Variants in SP4 observed in about 807,000 individuals in gnomAD.
SP4 encodes transcription factor Sp4.
A neutral mutation model predicts 72.8 loss-of-function variants in SP4; 19 were observed. That is an observed-to-expected ratio of 0.26 (90% CI 0.18 to 0.38). The LOEUF is 0.38. Among genes scored for constraint, SP4 ranks in the 10% least tolerant of loss-of-function variants. The pLI is 1.00. For synonymous variants in SP4, 395 were observed against 333.1 expected (o/e 1.19, Z -2.02); for missense variants, 1,008 against 926.3 (o/e 1.09, Z -1.14).
chr7:21,486,651 G>A (rs921705865), intron 5 of SP4, among the ~76,000 whole-genome samples: 2 of 152,254 alleles, frequency 1.3e-5, no homozygotes, highest in South Asian at 4.1e-4. Context: ...TCATATAAGA[G>A]GAAGTATGTA....
intron 3 of SP4, among the ~76,000 whole-genome samples, chr7:21,434,672 A>C (rs887317056): frequency 8.6e-5 from 13 of 151,992 alleles, no homozygotes; most frequent in African/African-American, 3.1e-4. Flanking sequence ...TATATTGCAT[A>C]GTGGAGAAGT....
At chr7:21,469,935 G>A (rs1784282557) in intron 3 of SP4, among the ~76,000 whole-genome samples, 1 of 152,030 alleles carries the variant, frequency 6.6e-6, no homozygotes, top group East Asian at 1.9e-4. Flanking sequence ...AATGTCATAG[G>A]AGAAATCTGA....
At chr7:21,448,531 A>G (rs1363081076) in intron 3 of SP4, among the ~76,000 whole-genome samples, 1 of 152,188 alleles carries the variant, frequency 6.6e-6, no homozygotes, top group Non-Finnish European at 1.5e-5. Flanking sequence ...CGTGGGTTCA[A>G]TTCCCTGTTC....
At chr7:21,472,722 G>A (rs978245130) in intron 3 of SP4, among the ~76,000 whole-genome samples, 1 of 151,574 alleles carries the variant, frequency 6.6e-6, no homozygotes, top group Non-Finnish European at 1.5e-5. Context: ...AGAATTGCTT[G>A]AGCCCTGGAG....
chr7:21,428,823 A>G (rs770531363), intron 2 of SP4, 31 bp downstream of exon 2: 123 of 1,508,842 alleles, frequency 8.2e-5, no homozygotes, highest in Non-Finnish European at 1.1e-4. Flanking sequence ...AAAATTCATC[A>G]CGACACATTA....
rs576572504 is a variant in SP4, at chr7:21,475,767, A to G, written c.1679-1312A>G. 1.4e-4 allele frequency among the ~76,000 whole-genome samples: 22 copies of G among 152,338 alleles called. No homozygotes were observed. In the South Asian group the frequency reaches 3.9e-3, roughly 27 times the overall value. On this transcript the variant is annotated intron_variant, in intron 3 of 5. Coordinates refer to ENST00000222584, the MANE Select transcript of SP4 (RefSeq NM_003112.5). ...TGTATTGCCACTGAACTCAGCAGAG[A>G]TGAATTGGTAACAGTAGCTACCATG...
chr7:21,463,831 G>A (rs894343715), intron 3 of SP4, among the ~76,000 whole-genome samples: 1 of 152,088 alleles, frequency 6.6e-6, no homozygotes, highest in Non-Finnish European at 1.5e-5. Context: ...ACTCAAATTA[G>A]AATACTTATA....
intron 5 of SP4, among the ~76,000 whole-genome samples, chr7:21,495,133 G>T (rs1339308208): frequency 6.6e-6 from 1 of 152,110 alleles, no homozygotes; most frequent in Non-Finnish European, 1.5e-5. Context: ...AAAGCTTTTT[G>T]AATAAAATAT....
At chr7:21,442,602 T>C (rs1783296540) in intron 3 of SP4, among the ~76,000 whole-genome samples, 1 of 152,168 alleles carries the variant, frequency 6.6e-6, no homozygotes, top group Admixed American at 6.5e-5. Context: ...TCTGGGAATG[T>C]TTTCATGGAA....
At chr7:21,445,561 G>A (rs1416731994) in intron 3 of SP4, among the ~76,000 whole-genome samples, 1 of 152,100 alleles carries the variant, frequency 6.6e-6, no homozygotes, top group East Asian at 1.9e-4. Flanking sequence ...AAACAGACAT[G>A]TTCTTTATTC....
At chr7:21,437,952 A>C (rs1026262586) in intron 3 of SP4, among the ~76,000 whole-genome samples, 7 of 152,106 alleles carry the variant, frequency 4.6e-5, no homozygotes, top group Admixed American at 4.6e-4. Flanking sequence ...ACGGAGTTTT[A>C]TCTTTAAAAG....
chr7:21,434,612 T>G (rs750557361), intron 3 of SP4, among the ~76,000 whole-genome samples: 9 of 152,150 alleles, frequency 5.9e-5, no homozygotes, highest in Non-Finnish European at 1.0e-4. Flanking sequence ...TTACTTTTAC[T>G]TTTAAAAAAA....
chr7:21,432,653 G>A (rs1446552636), intron 3 of SP4, among the ~76,000 whole-genome samples: 2 of 152,046 alleles, frequency 1.3e-5, no homozygotes, highest in Admixed American at 6.6e-5. Context: ...TGAATTGTGG[G>A]GGTCAAGGGA....
At chr7:21,444,185 G>A (rs1004171161) in intron 3 of SP4, among the ~76,000 whole-genome samples, 4 of 152,094 alleles carry the variant, frequency 2.6e-5, no homozygotes, top group South Asian at 2.1e-4. Flanking sequence ...TGTATTGTGC[G>A]GCTTGATATG....
At chr7:21,498,884 G>C (rs879196334) in intron 5 of SP4, among the ~76,000 whole-genome samples, 3 of 152,114 alleles carry the variant, frequency 2.0e-5, no homozygotes, top group East Asian at 3.9e-4. Flanking sequence ...AGGAGATCGA[G>C]ACCATCCTGG....
intron 3 of SP4, among the ~76,000 whole-genome samples, chr7:21,465,361 G>C (rs1263784284): frequency 6.6e-6 from 1 of 152,134 alleles, no homozygotes; most frequent in Non-Finnish European, 1.5e-5. Context: ...CTTAAGGAGA[G>C]AATATAGCCA....
Position 21,513,465 on chromosome 7 carries a change from T to C in SP4, c.*2196T>C, listed in dbSNP as rs999774163. 4.6e-5 allele frequency: 7 copies of C among 152,768 alleles called. No homozygotes were observed. Among genetic ancestry groups the C allele is most frequent in the East Asian group, 1.9e-4 (1 of 5,196 alleles). The allele number at this position is 152,768 out of a possible 1,614,324, so 9.5% of individuals were successfully genotyped here. On this transcript the variant is annotated 3_prime_UTR_variant, in exon 6 of 6. Transcript: ENST00000222584. ...TGGCTTTAAAACATCAGAATTGGTT[T>C]GTTGTTTTGTTTGGTACAGAGGAGC...
At chr7:21,451,034 T>C (rs1172739436) in intron 3 of SP4, among the ~76,000 whole-genome samples, 1 of 152,238 alleles carries the variant, frequency 6.6e-6, no homozygotes, top group Non-Finnish European at 1.5e-5. Context: ...GTGTTACTTC[T>C]TGCATGATTC....
At chr7:21,492,642 T>C (rs1785010059) in intron 5 of SP4, among the ~76,000 whole-genome samples, 1 of 152,152 alleles carries the variant, frequency 6.6e-6, no homozygotes, top group South Asian at 2.1e-4. Flanking sequence ...TAAAAACAGA[T>C]GATAAAATGA....
Sources: allele counts gnomAD v4.1 joint callset (sites outside exome capture counted in the v4.1 genomes callset), GRCh38; gene constraint gnomAD v4.1.1; transcripts MANE v1.5; gene names NCBI Gene and HGNC (gene_info 2026-07-23, HGNC 2026-07-21).